DNM3: variants seen among roughly 807,000 people sequenced by gnomAD.
DNM3 encodes dynamin-3.
In DNM3, 47 loss-of-function variants were observed where a neutral mutation model predicts 101.6. That is an observed-to-expected ratio of 0.46 (90% CI 0.37 to 0.59). DNM3 has a LOEUF of 0.59. Ranked by LOEUF, DNM3 falls within the 20% of genes least tolerant of loss-of-function variation. The pLI is 0.00. For missense variants in DNM3, 849 were observed against 1,085.7 expected (o/e 0.78, Z 3.06); for synonymous variants, 385 against 387.9 (o/e 0.99, Z 0.09).
intron 15 of DNM3, among the ~76,000 whole-genome samples, chr1:172,256,465 T>C (rs896824213): frequency 6.6e-6 from 1 of 152,212 alleles, no homozygotes; most frequent in Admixed American, 6.6e-5. Flanking sequence ...TTGTCCATTC[T>C]GTTTTGCTTT....
intron 5 of DNM3, 25 bp downstream of exon 5, chr1:172,032,525 A>ATTT: frequency 1.5e-6 from 1 of 662,820 alleles, no homozygotes; most frequent in Non-Finnish European, 2.2e-6. Context: ...TCTATACAAG[A>ATTT]CTTTTTTTTT....
At chr1:172,102,220 AATT>A (rs1558571546) in intron 13 of DNM3, among the ~76,000 whole-genome samples, 1 of 152,306 alleles carries the variant, frequency 6.6e-6, no homozygotes, top group East Asian at 1.9e-4. Context: ...GCTTTATAGA[AATT>A]AATCTGATGA....
intron 17 of DNM3, among the ~76,000 whole-genome samples, chr1:172,355,379 C>A (rs2067399294): frequency 6.6e-6 from 1 of 151,966 alleles, no homozygotes; most frequent in Non-Finnish European, 1.5e-5. Flanking sequence ...TTTCTAAAGA[C>A]AAGTCATATT....
intron 15 of DNM3, among the ~76,000 whole-genome samples, chr1:172,283,070 A>AG (rs1246350184): frequency 6.6e-6 from 1 of 152,202 alleles, no homozygotes. Flanking sequence ...TGATTGTCAG[A>AG]GGCTTCTTTG....
chr1:172,355,088 GC>G (rs1402177722), intron 17 of DNM3, among the ~76,000 whole-genome samples: 4 of 152,134 alleles, frequency 2.6e-5, no homozygotes, highest in African/African-American at 9.7e-5. Flanking sequence ...ACATGCGCAA[GC>G]AGAACCAAAG....
chr1:172,185,136 G>A (rs779071615), intron 14 of DNM3, among the ~76,000 whole-genome samples: 5 of 152,046 alleles, frequency 3.3e-5, no homozygotes, highest in Admixed American at 6.6e-5. Context: ...GGTCTTTGAC[G>A]GACTCTGGGT....
chr1:172,359,550 C>T (rs1006702255), intron 17 of DNM3, among the ~76,000 whole-genome samples: 1 of 149,950 alleles, frequency 6.7e-6, no homozygotes. Flanking sequence ...CCAAACTGTT[C>T]TTCTCATGTT....
chr1:171,923,740 T>A (rs547639194), intron 2 of DNM3, among the ~76,000 whole-genome samples: 1 of 152,318 alleles, frequency 6.6e-6, no homozygotes, highest in Admixed American at 6.5e-5. Flanking sequence ...TATTGCATAA[T>A]GTGTAATGCT....
At chr1:172,338,976 T>A (rs2066567401) in intron 17 of DNM3, 2 of 432,096 alleles carry the variant, frequency 4.6e-6, no homozygotes, top group Non-Finnish European at 4.5e-6. Flanking sequence ...TACTAAATAA[T>A]ATTAACTTGT....
chr1:172,027,757 A>G (rs2048318845), intron 4 of DNM3, among the ~76,000 whole-genome samples: 1 of 152,208 alleles, frequency 6.6e-6, no homozygotes, highest in South Asian at 2.1e-4. Context: ...AGCAAAAAAA[A>G]GCAGAGATTG....
At chr1:171,863,599 T>G (rs2034408681) in intron 1 of DNM3, among the ~76,000 whole-genome samples, 1 of 152,340 alleles carries the variant, frequency 6.6e-6, no homozygotes, top group South Asian at 2.1e-4. Context: ...TTACCCAGCT[T>G]CTAAGCATGC....
intron 1 of DNM3, among the ~76,000 whole-genome samples, chr1:171,895,809 T>G (rs1327527075): frequency 1.3e-5 from 2 of 152,106 alleles, no homozygotes; most frequent in Admixed American, 6.6e-5. Flanking sequence ...TTGAATTAAT[T>G]TTTGTATAAG....
intron 17 of DNM3, among the ~76,000 whole-genome samples, chr1:172,367,864 G>A (rs2068103535): frequency 2.0e-5 from 3 of 151,796 alleles, no homozygotes. Context: ...TATGTCTTGG[G>A]AGGGACCTGG....
intron 1 of DNM3, among the ~76,000 whole-genome samples, chr1:171,849,420 C>G (rs771771377): frequency 6.6e-6 from 1 of 152,184 alleles, no homozygotes. Context: ...AGTATGCATT[C>G]AATAACTGAT....
At chr1:172,417,989 T>C (rs763724979) in intron 20 of DNM3, among the ~76,000 whole-genome samples, 3 of 152,358 alleles carry the variant, frequency 2.0e-5, no homozygotes, top group South Asian at 2.1e-4. Flanking sequence ...TGCATGGATT[T>C]ATCATTCCAT....
intron 15 of DNM3, among the ~76,000 whole-genome samples, chr1:172,260,003 A>G (rs1249585194): frequency 7.1e-6 from 1 of 140,582 alleles, no homozygotes; most frequent in African/African-American, 2.6e-5. Context: ...TATTTCTTAT[A>G]GGGGTGGTCT....
intron 14 of DNM3, among the ~76,000 whole-genome samples, chr1:172,192,519 C>T (rs2059769686): frequency 8.9e-6 from 1 of 111,874 alleles, no homozygotes; most frequent in Non-Finnish European, 1.8e-5. Context: ...AATGCTATCC[C>T]TCCCCCCTCC....
chr1:172,184,109 A>G (rs144887573), intron 14 of DNM3, among the ~76,000 whole-genome samples: 1 of 152,146 alleles, frequency 6.6e-6, no homozygotes, highest in East Asian at 1.9e-4. Context: ...TATCCTGCTC[A>G]CCTCACAAGT....
intron 14 of DNM3, among the ~76,000 whole-genome samples, chr1:172,244,411 A>G (rs1231812196): frequency 6.6e-6 from 1 of 152,138 alleles, no homozygotes; most frequent in Admixed American, 6.6e-5. Context: ...ATCAGAGTGA[A>G]CAGGCAACCT....
Sources: gnomAD v4.1 joint callset for allele counts (sites outside exome capture counted in the v4.1 genomes callset) on GRCh38, gnomAD v4.1.1 for gene constraint, MANE v1.5 for transcripts, NCBI Gene and HGNC (gene_info 2026-07-23, HGNC 2026-07-21) for gene names.